PPP1R1C: variants seen among roughly 807,000 people sequenced by gnomAD.
PPP1R1C encodes protein phosphatase 1 regulatory inhibitor subunit 1C, also known as protein phosphatase 1 regulatory subunit 1C.
A neutral mutation model predicts 17.4 loss-of-function variants in PPP1R1C; 15 were observed. The observed-to-expected ratio is 0.86, with a 90% confidence interval of 0.58 to 1.33. The LOEUF (loss-of-function observed/expected upper bound fraction) is 1.33, where lower values mean the gene tolerates loss of function less well. Ranked by LOEUF, PPP1R1C falls within the 40% of genes most tolerant of loss-of-function variation. The pLI is 0.00. For synonymous variants in PPP1R1C, 35 were observed against 43.1 expected, an observed-to-expected ratio of 0.81 and a Z score of 0.73; for missense variants, 143 against 130.0, an observed-to-expected ratio of 1.10 and a Z score of -0.48.
chr2:182,086,565 A>G (rs189076194), intron 4 of PPP1R1C, among the ~76,000 whole-genome samples: 1 of 152,294 alleles, frequency 6.6e-6, no homozygotes, highest in East Asian at 1.9e-4. Flanking sequence ...CATTAAGTGA[A>G]AAAAGCTGGA....
At chr2:181,981,153 C>A (rs889533902), upstream of PPP1R1C, among the ~76,000 whole-genome samples, 3 of 151,930 alleles carry the variant, frequency 2.0e-5, no homozygotes, top group Non-Finnish European at 4.4e-5. Flanking sequence ...TGGTCTCGAT[C>A]TCCTGACCTC....
chr2:182,055,265 A>G (rs1328356318), intron 2 of PPP1R1C, among the ~76,000 whole-genome samples: 5 of 152,198 alleles, frequency 3.3e-5, no homozygotes, highest in Admixed American at 3.3e-4. Flanking sequence ...AAGTGTCTTT[A>G]CTTCCCTCTA....
chr2:182,054,272 A>G (rs1171027258), intron 2 of PPP1R1C, among the ~76,000 whole-genome samples: 1 of 152,214 alleles, frequency 6.6e-6, no homozygotes, highest in Non-Finnish European at 1.5e-5. Context: ...TAATGGTAAC[A>G]TTTATAGTAC....
chr2:182,057,852 G>A (rs1687733534), intron 2 of PPP1R1C, among the ~76,000 whole-genome samples: 1 of 152,012 alleles, frequency 6.6e-6, no homozygotes, highest in Non-Finnish European at 1.5e-5. Context: ...AATTCTGACA[G>A]TAAGAACAAA....
intron 4 of PPP1R1C, among the ~76,000 whole-genome samples, chr2:182,074,764 A>G (rs909656075): frequency 2.0e-5 from 3 of 152,180 alleles, no homozygotes; most frequent in Admixed American, 6.5e-5. Flanking sequence ...ATGACAAAAT[A>G]CCCAACACCT....
intron 2 of PPP1R1C, among the ~76,000 whole-genome samples, chr2:182,042,783 T>C (rs866287095): frequency 3.9e-4 from 60 of 152,268 alleles, no homozygotes; most frequent in African/African-American, 1.3e-3. Flanking sequence ...CATCAAGTCA[T>C]GAGACAAACA....
At chr2:182,117,129 C>G (rs576663659) in intron 4 of PPP1R1C, 78 bp from the exon 5 acceptor site, 1 of 1,023,686 alleles carries the variant, frequency 9.8e-7, no homozygotes, top group African/African-American at 1.7e-5. Flanking sequence ...GCACTCTTTT[C>G]TTTATCTTTT....
chr2:182,124,485 G>A (rs1689826233), intron 5 of PPP1R1C, among the ~76,000 whole-genome samples: 1 of 151,632 alleles, frequency 6.6e-6, no homozygotes, highest in Non-Finnish European at 1.5e-5. Context: ...AATTACTTTG[G>A]GCAGTATGGC....
intron 2 of PPP1R1C, among the ~76,000 whole-genome samples, chr2:182,052,335 G>A (rs190667133): frequency 9.2e-5 from 14 of 152,296 alleles, no homozygotes; most frequent in Admixed American, 5.2e-4. Context: ...TCTAGTCTCT[G>A]TCATGGCAAG....
chr2:182,049,060 T>C (rs1034999420), intron 2 of PPP1R1C, among the ~76,000 whole-genome samples: 1 of 152,272 alleles, frequency 6.6e-6, no homozygotes, highest in Middle Eastern at 3.4e-3. Context: ...AGGCCAGGCA[T>C]GGAGGCTCAC....
intron 2 of PPP1R1C, among the ~76,000 whole-genome samples, chr2:181,998,230 G>A (rs978838481): frequency 2.0e-5 from 3 of 152,164 alleles, no homozygotes; most frequent in Non-Finnish European, 4.4e-5. Flanking sequence ...TTGTGTTGCT[G>A]GAATCAAGTG....
intron 5 of PPP1R1C, among the ~76,000 whole-genome samples, chr2:182,127,714 G>A (rs1330612147): frequency 6.6e-6 from 1 of 152,062 alleles, no homozygotes; most frequent in African/African-American, 2.4e-5. Context: ...CAACAGTGTT[G>A]GAGAAAGTAA....
intron 4 of PPP1R1C, chr2:182,064,067 C>T (rs917153061): frequency 1.3e-4 from 50 of 398,520 alleles, no homozygotes; most frequent in Admixed American, 2.4e-4. Flanking sequence ...TACCGTTATT[C>T]GCATACTTCC....
intron 2 of PPP1R1C, among the ~76,000 whole-genome samples, chr2:182,042,687 C>G (rs960754251): frequency 2.4e-4 from 37 of 152,170 alleles, no homozygotes; most frequent in African/African-American, 8.4e-4. Flanking sequence ...CCTATTAGTC[C>G]TCTGCTACAA....
chr2:181,963,882 G>A (rs1684854605), intron 1 of PPP1R1C, among the ~76,000 whole-genome samples: 1 of 151,662 alleles, frequency 6.6e-6, no homozygotes, highest in African/African-American at 2.4e-5. Flanking sequence ...TTTGATACAG[G>A]CATACAATGC....
chr2:181,984,433 A>G (rs1279800499), upstream of PPP1R1C, among the ~76,000 whole-genome samples: 1 of 152,242 alleles, frequency 6.6e-6, no homozygotes, highest in Non-Finnish European at 1.5e-5. Flanking sequence ...AACTTCATTA[A>G]TGATATCAAT....
intron 4 of PPP1R1C, among the ~76,000 whole-genome samples, chr2:182,083,950 T>TA (rs1224895518): frequency 1.3e-5 from 2 of 152,090 alleles, no homozygotes; most frequent in African/African-American, 4.8e-5. Context: ...TTTTAATAAT[T>TA]ACCATTCTGG....
chr2:181,970,606 C>T (rs560137471), intron 1 of PPP1R1C, among the ~76,000 whole-genome samples: 5 of 152,116 alleles, frequency 3.3e-5, no homozygotes, highest in Non-Finnish European at 7.3e-5. Flanking sequence ...GGGCCTAGGT[C>T]TCTACAATCA....
intron 5 of PPP1R1C, among the ~76,000 whole-genome samples, chr2:182,124,304 GTTTTTTTTTGTTTT>G (rs1286985248): frequency 5.2e-5 from 4 of 77,648 alleles, no homozygotes; most frequent in Admixed American, 1.3e-4. Context: ...CTCCAGCTTT[GTTTTTTTTTGTTTT>G]TTTTTTTTGT....
Sources: allele counts gnomAD v4.1 joint callset (sites outside exome capture counted in the v4.1 genomes callset), GRCh38; gene constraint gnomAD v4.1.1; transcripts MANE v1.5; gene names NCBI Gene and HGNC (gene_info 2026-07-23, HGNC 2026-07-21).